The following ANXA4 variants were observed in gnomAD, a reference collection of about 807,000 sequenced individuals.
ANXA4 encodes 35-beta calcimedin.
A neutral mutation model predicts 49.8 loss-of-function variants in ANXA4; 39 were observed. The observed-to-expected ratio is 0.78, with a 90% CI of 0.61 to 1.02. The LOEUF (loss-of-function observed/expected upper bound fraction) is 1.02. Among genes scored for constraint, ANXA4 ranks in the 50% least tolerant of loss-of-function variants. The pLI is 0.00. For synonymous variants in ANXA4, 134 were observed against 152.5 expected, an observed-to-expected ratio of 0.88 and a Z score of 0.89; for missense variants, 360 against 410.1, an observed-to-expected ratio of 0.88 and a Z score of 1.05.
intron 3 of ANXA4, among the ~76,000 whole-genome samples, chr2:69,729,753 T>C (rs1183446151): frequency 6.6e-6 from 1 of 150,430 alleles, no homozygotes; most frequent in African/African-American, 2.5e-5. Context: ...TACAGTGACA[T>C]TTTCATCATA....
At chr2:69,716,946 TGGA>T (rs1024721372) in intron 2 of ANXA4, among the ~76,000 whole-genome samples, 2 of 152,214 alleles carry the variant, frequency 1.3e-5, no homozygotes, top group African/African-American at 4.8e-5. Flanking sequence ...AAGCACTGTG[TGGA>T]GGAGAACACC....
At chr2:69,674,045 G>C (rs75566632) in intron 2 of ANXA4, 1 of 152,312 alleles carries the variant, frequency 6.6e-6, no homozygotes, top group East Asian at 1.9e-4. Context: ...TGCGTGCCTC[G>C]GTGAACACTG....
rs115818636 is a variant in ANXA4, at chr2:69,818,353, G to T, written c.629-246G>T. Reference sequence around the variant, plus strand: ...GGCCATCTCCATTTTATGTGTGAGGGTCCCAGATAAGGGAAAGGACTTGAC... The same window carrying T: ...GGCCATCTCCATTTTATGTGTGAGGTTCCCAGATAAGGGAAAGGACTTGAC... On this transcript the variant is annotated intron_variant, in intron 9 of 12. Coordinates refer to ENST00000394295, the MANE Select transcript of ANXA4 (RefSeq NM_001153.5). 0.02 allele frequency: 5,203 copies of T among 263,576 alleles called. 85 individuals are homozygous for T. Among genetic ancestry groups the T allele is most frequent in the Middle Eastern group, 0.035 (32 of 924 alleles). 16.3% of individuals were successfully genotyped at this position (263,576 alleles called of 1,614,324 possible). A position where few individuals can be genotyped will look rare whatever the true frequency, so the allele number is the denominator to read the frequency against.
intron 2 of ANXA4, among the ~76,000 whole-genome samples, chr2:69,714,191 T>C (rs1489468367): frequency 6.6e-6 from 1 of 152,160 alleles, no homozygotes; most frequent in East Asian, 1.9e-4. Context: ...GCCCTAGCTC[T>C]TTCCCACCTC....
intron 1 of ANXA4, among the ~76,000 whole-genome samples, chr2:69,650,898 G>A (rs903088315): frequency 1.3e-5 from 2 of 152,104 alleles, no homozygotes; most frequent in African/African-American, 4.8e-5. Context: ...AAATTAGTGA[G>A]GCTGAACAAT....
chr2:69,645,939 C>G lies in ANXA4; in HGVS notation n.481+1034C>G, dbSNP rs142570140. ...GATTAGTGACTTGCCCAAAGTCACACAGTAAATAGCAAAGCCAGGATTCAA... is the reference window on the plus strand; with the variant it reads ...GATTAGTGACTTGCCCAAAGTCACAGAGTAAATAGCAAAGCCAGGATTCAA... On this transcript the variant is annotated intron_variant and non_coding_transcript_variant, in intron 1 of 3. Transcript: ENST00000418066. Among the ~76,000 whole-genome samples the G allele has an allele frequency of 8.5e-5, 13 of 152,288 alleles. No individual in the cohort carries two copies. In the East Asian group the frequency reaches 1.9e-3, roughly 23 times the overall value.
At chr2:69,762,540 GCTT>G (rs1462220570) in intron 1 of ANXA4, among the ~76,000 whole-genome samples, 2 of 152,108 alleles carry the variant, frequency 1.3e-5, no homozygotes, top group South Asian at 2.1e-4. Flanking sequence ...GTTCTTCTCT[GCTT>G]CTTTTTCTGT....
intron 1 of ANXA4, among the ~76,000 whole-genome samples, chr2:69,744,642 A>G (rs1213333255): frequency 6.6e-6 from 1 of 152,156 alleles, no homozygotes; most frequent in Non-Finnish European, 1.5e-5. Context: ...GTCTTATCTA[A>G]TCTTCACTTC....
At chr2:69,765,297 C>T (rs893736895) in intron 1 of ANXA4, among the ~76,000 whole-genome samples, 1 of 152,122 alleles carries the variant, frequency 6.6e-6, no homozygotes, top group African/African-American at 2.4e-5. Context: ...TGTTGAGGAA[C>T]CACCATACTG....
At chr2:69,797,208 G>A (rs1476484270) in intron 3 of ANXA4, among the ~76,000 whole-genome samples, 1 of 152,166 alleles carries the variant, frequency 6.6e-6, no homozygotes, top group Admixed American at 6.5e-5. Flanking sequence ...AAGAATAGAG[G>A]TTTCCTCGGT....
chr2:69,756,468 TAA>T (rs1429894662), intron 1 of ANXA4, among the ~76,000 whole-genome samples: 2 of 152,308 alleles, frequency 1.3e-5, no homozygotes, highest in East Asian at 3.9e-4. Flanking sequence ...AGATACTTTT[TAA>T]AAAAAGTTTT....
rs570573742 is a variant in ANXA4 at position 69,697,572 on chromosome 2, T to G, written n.767-23202T>G. ...TCTGTTTGGCACAAGAAGCCTAGCT[T>G]TTGGCCTGTCTCAGCTTTTGACACA... On this transcript the variant is annotated intron_variant and non_coding_transcript_variant, in intron 2 of 3. Transcript: ENST00000418066. 6.8e-4 allele frequency among the ~76,000 whole-genome samples: 103 copies of G among 152,342 alleles called. No homozygotes were observed. The Middle Eastern group carries it at 0.014, about 20-fold the overall frequency.
chr2:69,670,839 A>G (rs1559063358), intron 2 of ANXA4, among the ~76,000 whole-genome samples: 1 of 152,034 alleles, frequency 6.6e-6, no homozygotes, highest in Admixed American at 6.6e-5. Context: ...AGCCTGAGCA[A>G]CATAGTGAGA....
chr2:69,800,319 A>C (rs541062322), intron 3 of ANXA4, among the ~76,000 whole-genome samples: 10 of 152,328 alleles, frequency 6.6e-5, no homozygotes, highest in Non-Finnish European at 1.2e-4. Context: ...ACCATAATTC[A>C]AAATGTAGCC....
chr2:69,661,907 G>A (rs776894383), intron 2 of ANXA4, among the ~76,000 whole-genome samples: 10 of 152,202 alleles, frequency 6.6e-5, no homozygotes, highest in Non-Finnish European at 1.3e-4. Flanking sequence ...TTGGAAGCAT[G>A]TTCTCTGAAG....
chr2:69,707,561 C>T (rs1456034816), intron 2 of ANXA4, among the ~76,000 whole-genome samples: 4 of 152,064 alleles, frequency 2.6e-5, no homozygotes, highest in Admixed American at 6.5e-5. Flanking sequence ...AGTTGTTCTT[C>T]GCATGTATTT....
At chr2:69,707,159 T>C (rs184658992) in intron 2 of ANXA4, among the ~76,000 whole-genome samples, 2 of 152,342 alleles carry the variant, frequency 1.3e-5, no homozygotes, top group Admixed American at 1.3e-4. Flanking sequence ...GCTAGCACAG[T>C]AATATTTGTA....
At chr2:69,651,876 C>T (rs1676261521) in intron 1 of ANXA4, among the ~76,000 whole-genome samples, 2 of 130,980 alleles carry the variant, frequency 1.5e-5, no homozygotes, top group Admixed American at 1.7e-4. Flanking sequence ...AGTGCAGTGG[C>T]GTGATCTCAG....
At chr2:69,797,031 G>C (rs565242580) in intron 3 of ANXA4, among the ~76,000 whole-genome samples, 1 of 152,046 alleles carries the variant, frequency 6.6e-6, no homozygotes, top group African/African-American at 2.4e-5. Flanking sequence ...CCTTCAGCTG[G>C]CCATGTCTGT....
Sources: allele counts gnomAD v4.1 joint callset (sites outside exome capture counted in the v4.1 genomes callset), GRCh38; gene constraint gnomAD v4.1.1; transcripts MANE v1.5; gene names NCBI Gene and HGNC (gene_info 2026-07-23, HGNC 2026-07-21).